Variants in SPICE1 observed in about 807,000 individuals in gnomAD.
The protein encoded by SPICE1 is spindle and centriole associated protein 1, also known as spindle and centriole-associated protein 1.
A neutral mutation model predicts 102.7 loss-of-function variants in SPICE1; 75 were observed. The observed-to-expected ratio is 0.73, with a 90% CI of 0.61 to 0.88. The LOEUF (loss-of-function observed/expected upper bound fraction) is 0.88. Ranked by LOEUF, SPICE1 falls within the 40% of genes least tolerant of loss-of-function variation. SPICE1 has a pLI of 0.00. For missense variants in SPICE1, 979 were observed against 1,020.1 expected, an observed-to-expected ratio of 0.96 and a Z score of 0.55; for synonymous variants, 308 against 350.3, an observed-to-expected ratio of 0.88 and a Z score of 1.35.
intron 12 of SPICE1, 148 bp downstream of exon 12, chr3:113,460,469 A>G (rs1935905143): frequency 7.2e-7 from 1 of 1,388,176 alleles, no homozygotes; most frequent in Non-Finnish European, 9.3e-7. Context: ...TATTAGCTGG[A>G]AAAGTAGTGG....
At chr3:113,501,182 T>G (rs1177992398) in intron 3 of SPICE1, among the ~76,000 whole-genome samples, 3 of 152,152 alleles carry the variant, frequency 2.0e-5, no homozygotes, top group Non-Finnish European at 4.4e-5. Flanking sequence ...TTCCAATAAA[T>G]GCTGTTTGGA....
At chr3:113,492,332 C>A (rs1936784212) in intron 6 of SPICE1, among the ~76,000 whole-genome samples, 1 of 152,016 alleles carries the variant, frequency 6.6e-6, no homozygotes, top group Admixed American at 6.5e-5. Flanking sequence ...CTTCTTTTTT[C>A]ATAGAAACTA....
At chr3:113,446,941 G>C (rs1438363346) in intron 16 of SPICE1, among the ~76,000 whole-genome samples, 1 of 152,132 alleles carries the variant, frequency 6.6e-6, no homozygotes. Context: ...TGTTGTGGGA[G>C]GGACTCATGG....
chr3:113,446,945 CTCATGGGGAGGTAACTGAA>C (rs1935531048), intron 16 of SPICE1, among the ~76,000 whole-genome samples: 1 of 152,118 alleles, frequency 6.6e-6, no homozygotes, highest in African/African-American at 2.4e-5. Context: ...GTGGGAGGGA[CTCATGGGGAGGTAACTGAA>C]TCATGGGGGC....
chr3:113,475,893 C>G (rs1432316117), intron 7 of SPICE1, among the ~76,000 whole-genome samples: 1 of 152,178 alleles, frequency 6.6e-6, no homozygotes, highest in East Asian at 1.9e-4. Context: ...GATGCCCTCT[C>G]TCACTACTCC....
In SPICE1 at chr3:113,453,865, C is replaced by T. The variant is rs753215296; in HGVS notation, c.1743G>A (p.Glu581=). 3.1e-6 allele frequency: 5 copies of T among 1,614,186 alleles called. No homozygotes were observed. In the Admixed American group the frequency reaches 8.3e-5, roughly 27 times the overall value. Residue 581 remains glutamate (E), a synonymous_variant, in exon 14 of 18, where the codon GAG becomes GAA. Coordinates refer to ENST00000295872, the MANE Select transcript of SPICE1 (RefSeq NM_144718.4). ...TGTCTGTATCAATAGGTAAGGTCTT[C>T]TCTTCCCAATTTTGTTCCTTCTCAA... The part of the protein sequence containing the change: ...EIIEKEQNWE[E]KTLPIDTDIQ...
At chr3:113,494,687 C>A (rs559759282) in intron 4 of SPICE1, among the ~76,000 whole-genome samples, 5 of 151,116 alleles carry the variant, frequency 3.3e-5, no homozygotes, top group African/African-American at 9.7e-5. Context: ...TGACCCACCA[C>A]ATTTACATAC....
In SPICE1 at chr3:113,468,252, A is replaced by G. The variant is rs1458695287; in HGVS notation, c.1042T>C (p.Tyr348His). Residue 348 changes from tyrosine to histidine, a missense_variant, in exon 10 of 18, where the codon TAT becomes CAT. By Grantham distance (83) the Tyr-to-His change is moderately conservative (BLOSUM62 2). Coordinates refer to ENST00000295872, the MANE Select transcript of SPICE1 (RefSeq NM_144718.4). ...ACCTCGCGACCTGTCCACCGCTCAT[A>G]TTCTTCCATTTCATGTTCCACTTCA... is the stretch of plus-strand genomic sequence containing the variant. ...IHEVEHEMEEYERWTGREVKG... is the reference protein window; with the variant it reads ...IHEVEHEMEEHERWTGREVKG... 11 of 1,614,088 alleles carry G rather than the reference A, an allele frequency of 6.8e-6. No homozygotes were observed. Among genetic ancestry groups the G allele is most frequent in the Non-Finnish European group, 9.3e-6 (11 of 1,180,022 alleles).
intron 7 of SPICE1, among the ~76,000 whole-genome samples, chr3:113,488,490 G>A (rs1429556835): frequency 6.6e-6 from 1 of 152,184 alleles, no homozygotes; most frequent in Non-Finnish European, 1.5e-5. Context: ...TCTAAGTGAA[G>A]TAACTGAGGA....
rs541097902 is a variant in SPICE1 at position 113,472,007 on chromosome 3, G to A, written c.612-2769C>T. 1.2e-3 allele frequency among the ~76,000 whole-genome samples: 177 copies of A among 152,360 alleles called. 3 individuals are homozygous for A. In the South Asian group the frequency reaches 0.034, roughly 29 times the overall value. On this transcript the variant is annotated intron_variant, in intron 7 of 17. Transcript: ENST00000295872. Reference sequence around the variant, plus strand: ...CAAGGCATTGCCTCACTTGGGAAGCGCGAGGGGTCAGGGAGTTCCCTTTCC... The same window carrying A: ...CAAGGCATTGCCTCACTTGGGAAGCACGAGGGGTCAGGGAGTTCCCTTTCC...
At chr3:113,494,604 G>A (rs1248904451) in intron 4 of SPICE1, among the ~76,000 whole-genome samples, 3 of 148,340 alleles carry the variant, frequency 2.0e-5, no homozygotes, top group Non-Finnish European at 3.0e-5. Context: ...CCGAGATCCC[G>A]CCACTGCACT....
intron 8 of SPICE1, 29 bp downstream of exon 8, chr3:113,469,070 C>T: frequency 6.2e-7 from 1 of 1,602,882 alleles, no homozygotes; most frequent in South Asian, 1.1e-5. Flanking sequence ...AAAGCAGGCA[C>T]CTAGAAATAA....
intron 12 of SPICE1, chr3:113,459,736 G>T: frequency 7.0e-6 from 5 of 711,154 alleles, no homozygotes; most frequent in Non-Finnish European, 8.6e-6. Context: ...ACAAAAATCA[G>T]CCAGGTGTGG....
At chr3:113,512,374 C>T (rs1937237352) in intron 1 of SPICE1, among the ~76,000 whole-genome samples, 1 of 150,764 alleles carries the variant, frequency 6.6e-6, no homozygotes, top group South Asian at 2.1e-4. Context: ...ATTACAAAAA[C>T]TCTGACCCCA....
intron 7 of SPICE1, among the ~76,000 whole-genome samples, chr3:113,480,184 G>A (rs534106621): frequency 6.6e-6 from 1 of 151,078 alleles, no homozygotes; most frequent in South Asian, 2.1e-4. Flanking sequence ...AGAAATAGAA[G>A]CTTAAATAAA....
At chr3:113,513,487 T>TA (rs149109306) in intron 1 of SPICE1, among the ~76,000 whole-genome samples, 15,412 of 152,162 alleles carry the variant, frequency 0.1, 967 homozygotes, top group Non-Finnish European at 0.15. Context: ...ATCTCCCAAA[T>TA]ATCACAAATA....
intron 16 of SPICE1, 101 bp from the exon 17 acceptor site, chr3:113,446,777 G>C (rs768883356): frequency 1.3e-5 from 12 of 925,234 alleles, no homozygotes; most frequent in Non-Finnish European, 2.1e-5. Context: ...GCAAGAGCTT[G>C]AAAACATATG....
chr3:113,452,431 T>G (rs975884987), intron 14 of SPICE1, among the ~76,000 whole-genome samples: 7 of 152,144 alleles, frequency 4.6e-5, no homozygotes, highest in African/African-American at 1.7e-4. Context: ...TGCCTGTAAT[T>G]CCAGCACTTT....
intron 4 of SPICE1, among the ~76,000 whole-genome samples, chr3:113,498,472 C>T (rs1378450739): frequency 6.6e-6 from 1 of 152,166 alleles, no homozygotes; most frequent in Non-Finnish European, 1.5e-5. Flanking sequence ...TTAGGCCTTT[C>T]ACTGAGAATT....
Sources: gnomAD v4.1 joint callset for allele counts (sites outside exome capture counted in the v4.1 genomes callset) on GRCh38, gnomAD v4.1.1 for gene constraint, MANE v1.5 for transcripts, NCBI Gene and HGNC (gene_info 2026-07-23, HGNC 2026-07-21) for gene names.